FRS2: variants seen among roughly 807,000 people sequenced by gnomAD.
FRS2 encodes FGFR signalling adaptor.
Under a neutral mutation model 43.9 loss-of-function variants are expected in FRS2, and 8 were observed. The observed-to-expected ratio is 0.18, with a 90% CI of 0.11 to 0.33. The LOEUF is 0.33. Ranked by LOEUF, FRS2 falls within the 10% of genes least tolerant of loss-of-function variation. The pLI is 1.00. For synonymous variants in FRS2, 219 were observed against 220.3 expected (o/e 0.99, Z 0.05); for missense variants, 534 against 627.6 (o/e 0.85, Z 1.59).
chr12:69,542,884 C>T (rs772406405), intron 3 of FRS2, among the ~76,000 whole-genome samples: 13 of 152,240 alleles, frequency 8.5e-5, no homozygotes, highest in South Asian at 2.1e-4. Context: ...GACTGCAAAA[C>T]GTCAAAGAAT....
At chr12:69,571,756 C>G (rs1349548185) in intron 7 of FRS2, among the ~76,000 whole-genome samples, 1 of 151,792 alleles carries the variant, frequency 6.6e-6, no homozygotes, top group East Asian at 1.9e-4. Context: ...CCCAGCTACT[C>G]GGGAGGCTGA....
chr12:69,508,441 G>C (rs966447354), intron 1 of FRS2, among the ~76,000 whole-genome samples: 3 of 152,088 alleles, frequency 2.0e-5, no homozygotes, highest in Non-Finnish European at 4.4e-5. Flanking sequence ...CTACAAGAAA[G>C]GCATCTATTA....
In FRS2 at chr12:69,576,199, C is replaced by T. The variant is rs1037227114; in HGVS notation, c.*1244C>T. The T allele has an allele frequency of 6.6e-6, 1 of 152,350 alleles. No individual in the cohort carries two copies. Among genetic ancestry groups the T allele is most frequent in the Admixed American group, 6.5e-5 (1 of 15,280 alleles). The allele number at this position is 152,350 out of a possible 1,614,324, so 9.4% of individuals were successfully genotyped here. A position where few individuals can be genotyped will look rare whatever the true frequency, so the allele number is the denominator to read the frequency against. On this transcript the variant is annotated 3_prime_UTR_variant, in exon 9 of 9. Coordinates refer to ENST00000549921, the MANE Select transcript of FRS2 (RefSeq NM_001278356.2). ...TTTAGCAGTAATTCCCCCAGCTACA[C>T]GCTGCAGTTGTACTCTGCCCACTCT...
At chr12:69,520,344 T>A (rs1875504856) in intron 1 of FRS2, among the ~76,000 whole-genome samples, 1 of 151,912 alleles carries the variant, frequency 6.6e-6, no homozygotes. Context: ...TTTTCTCTCA[T>A]TCTGTAGGTT....
intron 5 of FRS2, among the ~76,000 whole-genome samples, chr12:69,569,405 G>GT (rs1200167985): frequency 6.6e-6 from 1 of 152,022 alleles, no homozygotes; most frequent in African/African-American, 2.4e-5. Flanking sequence ...ATTTTCATGT[G>GT]TGCCTGTGTG....
intron 1 of FRS2, among the ~76,000 whole-genome samples, chr12:69,504,942 C>T (rs1373747340): frequency 2.6e-5 from 4 of 152,186 alleles, no homozygotes; most frequent in Admixed American, 1.3e-4. Context: ...GATCTTCCCA[C>T]CTCAGCCTCC....
In FRS2 at chr12:69,571,400, A is replaced by T; in HGVS notation, c.378A>T (p.Glu126Asp). Residue 126 changes from glutamate to aspartate, a missense_variant, in exon 7 of 9, where the codon GAA becomes GAT. Coordinates refer to ENST00000549921, the MANE Select transcript of FRS2 (RefSeq NM_001278356.2). ...PVVERNNHQT[E>D]LEVPRTPRTP... ...TAGAAAGAAATAATCATCAGACAGA[A>T]TTGGAAGTCCCTAGAACACCTCGAA... 6.2e-7 allele frequency: 1 copy of T among 1,613,270 alleles called. No individual in the cohort carries two copies. The highest frequency in any genetic ancestry group is 1.1e-5 in the South Asian group (1 of 91,022).
intron 3 of FRS2, among the ~76,000 whole-genome samples, chr12:69,545,162 C>T (rs1200749434): frequency 1.3e-5 from 2 of 152,108 alleles, no homozygotes; most frequent in Non-Finnish European, 1.5e-5. Context: ...TGATAAACAT[C>T]TGATTTTCAT....
intron 1 of FRS2, among the ~76,000 whole-genome samples, chr12:69,477,499 G>T (rs1870923152): frequency 6.6e-6 from 1 of 150,970 alleles, no homozygotes; most frequent in Admixed American, 6.6e-5. Context: ...AGCCAAGATG[G>T]TCTCAATCTC....
intron 1 of FRS2, among the ~76,000 whole-genome samples, chr12:69,488,302 A>G (rs768813016): frequency 3.3e-5 from 5 of 152,024 alleles, no homozygotes. Context: ...CAGCCACCCC[A>G]CCCTTTAGCA....
chr12:69,549,946 T>A (rs541313586), intron 3 of FRS2, among the ~76,000 whole-genome samples: 32 of 152,336 alleles, frequency 2.1e-4, no homozygotes, highest in Admixed American at 2.1e-3. Flanking sequence ...GATGTTGGTG[T>A]TTCTGAGCTG....
chr12:69,482,369 G>A (rs1871424625), intron 1 of FRS2, among the ~76,000 whole-genome samples: 1 of 152,214 alleles, frequency 6.6e-6, no homozygotes, highest in Admixed American at 6.5e-5. Flanking sequence ...TATTACGGGA[G>A]TGTTGGTTAA....
At chr12:69,503,019 A>G (rs1873599975) in intron 1 of FRS2, among the ~76,000 whole-genome samples, 1 of 152,202 alleles carries the variant, frequency 6.6e-6, no homozygotes, top group African/African-American at 2.4e-5. Flanking sequence ...ATGTGGCTAG[A>G]TTCTCTGCTC....
chr12:69,571,842 C>T lies in FRS2; in HGVS notation c.413-276C>T, dbSNP rs185922396. 1.1e-4 allele frequency among the ~76,000 whole-genome samples: 17 copies of T among 152,058 alleles called. No individual in the cohort carries two copies. The East Asian group carries it at 2.1e-3, about 19-fold the overall frequency. On this transcript the variant is annotated intron_variant, in intron 7 of 8. Transcript: ENST00000549921. ...TCATGCCACTGCATTCCAGCCTGGG[C>T]GACATAGCAAGACTCCGTCTCAAAA...
intron 1 of FRS2, among the ~76,000 whole-genome samples, chr12:69,509,884 C>A (rs1874300527): frequency 6.6e-6 from 1 of 152,170 alleles, no homozygotes; most frequent in South Asian, 2.1e-4. Flanking sequence ...TTTCCCCTCC[C>A]AGCCCTCATT....
At chr12:69,555,814 G>A (rs1879287320) in intron 3 of FRS2, among the ~76,000 whole-genome samples, 2 of 152,164 alleles carry the variant, frequency 1.3e-5, no homozygotes, top group South Asian at 4.1e-4. Flanking sequence ...GATTGTAACA[G>A]TTATTTTGAG....
At chr12:69,529,300 G>GA (rs1335635342) in intron 1 of FRS2, among the ~76,000 whole-genome samples, 1 of 152,152 alleles carries the variant, frequency 6.6e-6, no homozygotes, top group Non-Finnish European at 1.5e-5. Context: ...CTCCTAGGAT[G>GA]AACACTACAT....
chr12:69,549,511 G>C (rs1224617313), intron 3 of FRS2, among the ~76,000 whole-genome samples: 1 of 152,042 alleles, frequency 6.6e-6, no homozygotes, highest in Non-Finnish European at 1.5e-5. Flanking sequence ...TGTTTTTAGA[G>C]ACAACATCAC....
intron 5 of FRS2, 57 bp from the exon 6 acceptor site, chr12:69,570,274 T>G (rs752847807): frequency 8.1e-7 from 1 of 1,233,474 alleles, no homozygotes; most frequent in South Asian, 1.2e-5. Flanking sequence ...TTAGCAACAA[T>G]GCATTTTCCT....
Sources: allele counts gnomAD v4.1 joint callset (sites outside exome capture counted in the v4.1 genomes callset), GRCh38; gene constraint gnomAD v4.1.1; transcripts MANE v1.5; gene names NCBI Gene and HGNC (gene_info 2026-07-23, HGNC 2026-07-21).